Variants in CCDC138 observed in about 807,000 individuals in gnomAD.
CCDC138 encodes coiled-coil domain containing 138.
Under a neutral mutation model 82.3 loss-of-function variants are expected in CCDC138, and 66 were observed. The ratio of observed to expected loss-of-function variants is 0.80; its 90% CI spans 0.66 to 0.98. The LOEUF (loss-of-function observed/expected upper bound fraction) is 0.98, where lower values mean the gene tolerates loss of function less well. CCDC138 is among the 50% of genes least tolerant of loss of function. The probability of loss-of-function intolerance (pLI) is 0.00; values close to 1 mark genes in which losing one functional copy is unlikely to be tolerated. For missense variants in CCDC138, 816 were observed against 758.9 expected (o/e 1.08, Z -0.88); for synonymous variants, 297 against 265.4 (o/e 1.12, Z -1.16).
At chr2:108,861,472 CTTTTTTTT>C (rs201132350) in intron 13 of CCDC138, among the ~76,000 whole-genome samples, 2 of 123,550 alleles carry the variant, frequency 1.6e-5, no homozygotes, top group African/African-American at 7.7e-5. Context: ...AACTTTCTTC[CTTTTTTTT>C]TTTTTTTTTT....
chr2:108,873,648 A>G (rs6737810), intron 14 of CCDC138, 59 bp downstream of exon 14: 1,269,788 of 1,286,686 alleles, frequency 0.99, 626,596 homozygotes, highest in East Asian at 1. Context: ...TGATCATTTA[A>G]ACCAGGGGTT....
At chr2:108,799,219 G>A (rs943186349) in intron 6 of CCDC138, among the ~76,000 whole-genome samples, 6 of 152,120 alleles carry the variant, frequency 3.9e-5, no homozygotes, top group African/African-American at 1.2e-4. Flanking sequence ...TGATTGCTTC[G>A]TAACGATAAT....
At chr2:108,812,407 G>A (rs1306166961) in intron 7 of CCDC138, among the ~76,000 whole-genome samples, 2 of 152,124 alleles carry the variant, frequency 1.3e-5, no homozygotes, top group Non-Finnish European at 2.9e-5. Context: ...GACATCTGGA[G>A]TCTTGTACAT....
downstream of CCDC138, among the ~76,000 whole-genome samples, chr2:108,878,870 T>C (rs1696196052): frequency 6.6e-6 from 1 of 152,164 alleles, no homozygotes; most frequent in Non-Finnish European, 1.5e-5. Context: ...TAAAGAATCC[T>C]TTTGGAAAAT....
intron 1 of CCDC138, 65 bp downstream of exon 1, chr2:108,786,980 C>CCGCGCAGCCGGCCTGGGGG (rs1678919048): frequency 8.6e-7 from 1 of 1,160,842 alleles, no homozygotes; most frequent in Non-Finnish European, 1.1e-6. Context: ...GCTCCGTGCC[C>CCGCGCAGCCGGCCTGGGGG]CGCGCAGCCG....
intron 11 of CCDC138, among the ~76,000 whole-genome samples, chr2:108,843,844 TTGTGTGTGTGTGTGTGTGTG>T (rs71383805): frequency 4.4e-5 from 1 of 22,808 alleles, no homozygotes; most frequent in African/African-American, 6.5e-5. Context: ...AGTTCATGTT[TTGTGTGTGTGTGTGTGTGTG>T]TGTGTGTGTG....
Position 108,787,610 on chromosome 2 carries a change from A to ATAAAATTTTTTCCTT in CCDC138, c.94-422_94-421insTAAAATTTTTTCCTT, listed in dbSNP as rs1679111449. 3.9e-5 allele frequency among the ~76,000 whole-genome samples: 6 copies of ATAAAATTTTTTCCTT among 152,336 alleles called. No homozygotes were observed. The South Asian group carries it at 1.2e-3, about 32-fold the overall frequency. ...ACCTTTTATAGGAAAATTTTTTCCT[A>ATAAAATTTTTTCCTT]GTGCAGATCCGACCCAAGAACGAGC... is the stretch of plus-strand genomic sequence containing the variant. On this transcript the variant is annotated intron_variant, in intron 1 of 14. Coordinates refer to ENST00000295124, the MANE Select transcript of CCDC138 (RefSeq NM_144978.3).
intron 10 of CCDC138, among the ~76,000 whole-genome samples, chr2:108,828,280 T>C (rs1318990173): frequency 6.6e-6 from 1 of 152,014 alleles, no homozygotes; most frequent in African/African-American, 2.4e-5. Context: ...ACACAAATGG[T>C]AAAAATAACA....
intron 10 of CCDC138, among the ~76,000 whole-genome samples, chr2:108,828,860 C>G (rs951749778): frequency 6.6e-6 from 1 of 152,068 alleles, no homozygotes; most frequent in Non-Finnish European, 1.5e-5. Flanking sequence ...CACCTGTAAT[C>G]CCAGGTACTC....
At chr2:108,877,685 A>C (rs1558780419), downstream of CCDC138, among the ~76,000 whole-genome samples, 1 of 152,320 alleles carries the variant, frequency 6.6e-6, no homozygotes, top group South Asian at 2.1e-4. Flanking sequence ...TCTGAAGAAA[A>C]GAACAGAACA....
chr2:108,835,775 T>C (rs1277940608), intron 10 of CCDC138, among the ~76,000 whole-genome samples: 1 of 152,186 alleles, frequency 6.6e-6, no homozygotes, highest in Non-Finnish European at 1.5e-5. Flanking sequence ...CAGTACCAAT[T>C]GTCTCTGTTT....
At position 108,786,812 on chromosome 2, in the gene CCDC138, T is replaced by A; in HGVS notation, c.-11T>A. 6.3e-7 allele frequency: 1 copy of A among 1,583,620 alleles called. No individual in the cohort carries two copies. On this transcript the variant is annotated 5_prime_UTR_variant, in exon 1 of 15. Coordinates refer to ENST00000295124, the MANE Select transcript of CCDC138 (RefSeq NM_144978.3). ...CGGTTCCCGGGGAGACTGGTACGGT[T>A]GCTGTGTGCTATGGAGCCGAGGGTC...
At chr2:108,866,023 G>C (rs1574297371) in intron 13 of CCDC138, among the ~76,000 whole-genome samples, 1 of 152,160 alleles carries the variant, frequency 6.6e-6, no homozygotes, top group East Asian at 1.9e-4. Flanking sequence ...CTGTCTTATG[G>C]AGCTGTGCAA....
At chr2:108,838,859 A>G (rs1400156358) in intron 10 of CCDC138, among the ~76,000 whole-genome samples, 1 of 152,130 alleles carries the variant, frequency 6.6e-6, no homozygotes, top group East Asian at 1.9e-4. Context: ...ATGGCAATAA[A>G]TATAAATCTA....
intron 13 of CCDC138, among the ~76,000 whole-genome samples, chr2:108,863,465 G>A (rs1558755607): frequency 6.6e-6 from 1 of 152,198 alleles, no homozygotes; most frequent in Non-Finnish European, 1.5e-5. Flanking sequence ...AGCTGAAGCA[G>A]AGTTAGTGAG....
intron 12 of CCDC138, among the ~76,000 whole-genome samples, chr2:108,856,583 T>A (rs928253590): frequency 1.3e-5 from 2 of 152,174 alleles, no homozygotes; most frequent in African/African-American, 2.4e-5. Flanking sequence ...AAATTCTAAA[T>A]GAAATTTACC....
intron 10 of CCDC138, among the ~76,000 whole-genome samples, chr2:108,836,738 A>G (rs1195930262): frequency 2.6e-5 from 4 of 152,016 alleles, no homozygotes; most frequent in Non-Finnish European, 5.9e-5. Flanking sequence ...AATTTTTTTC[A>G]TCACTGTTTT....
intron 11 of CCDC138, among the ~76,000 whole-genome samples, chr2:108,842,482 C>G (rs1488459759): frequency 6.6e-6 from 1 of 152,034 alleles, no homozygotes. Context: ...TTATTGGAGT[C>G]CAGGATGTTA....
chr2:108,843,358 A>G (rs1689836355), intron 11 of CCDC138, among the ~76,000 whole-genome samples: 1 of 152,008 alleles, frequency 6.6e-6, no homozygotes, highest in Non-Finnish European at 1.5e-5. Flanking sequence ...GGGTTTCGCC[A>G]TGTTGGCCAG....
Sources: allele counts gnomAD v4.1 joint callset (sites outside exome capture counted in the v4.1 genomes callset), GRCh38; gene constraint gnomAD v4.1.1; transcripts MANE v1.5; gene names NCBI Gene and HGNC (gene_info 2026-07-23, HGNC 2026-07-21).